ZC3H12C: variants seen among roughly 807,000 people sequenced by gnomAD.
ZC3H12C encodes the protein probable ribonuclease ZC3H12C.
In ZC3H12C, 20 loss-of-function variants were observed where a neutral mutation model predicts 76.3. That is an observed-to-expected ratio of 0.26 (90% CI 0.18 to 0.38). The LOEUF is 0.38. ZC3H12C is among the 10% of genes least tolerant of loss of function. The probability of loss-of-function intolerance (pLI) is 1.00; values close to 1 mark genes in which losing one functional copy is unlikely to be tolerated. For synonymous variants in ZC3H12C, 352 were observed against 399.6 expected (o/e 0.88, Z 1.42); for missense variants, 874 against 1,086.5 (o/e 0.80, Z 2.75).
At chr11:110,163,231 G>A (rs1391519000) in intron 4 of ZC3H12C, 42 bp from the exon 5 acceptor site, 2 of 1,492,808 alleles carry the variant, frequency 1.3e-6, no homozygotes, top group Non-Finnish European at 1.8e-6. Flanking sequence ...TAAATTATCA[G>A]CCTCCTACTT....
intron 1 of ZC3H12C, among the ~76,000 whole-genome samples, chr11:110,126,855 C>A (rs1333125403): frequency 6.6e-6 from 1 of 152,018 alleles, no homozygotes; most frequent in Non-Finnish European, 1.5e-5. Context: ...ACTTTTTCTA[C>A]CCCATATTAA....
chr11:110,117,768 C>T (rs12285319), intron 1 of ZC3H12C, among the ~76,000 whole-genome samples: 17 of 130,628 alleles, frequency 1.3e-4, no homozygotes, highest in South Asian at 2.4e-4. Flanking sequence ...TACACACACA[C>T]ATATATATAC....
chr11:110,115,708 T>C (rs1313196787), intron 1 of ZC3H12C, among the ~76,000 whole-genome samples: 1 of 151,844 alleles, frequency 6.6e-6, no homozygotes, highest in Non-Finnish European at 1.5e-5. Context: ...GTATTAGAAT[T>C]ATGGGCATGA....
chr11:110,165,267 C>A lies in ZC3H12C; in HGVS notation c.2182C>A (p.Pro728Thr), dbSNP rs986758296. ...RSSCPGDYPS[P>T]PSSAHSKAPH... The stretch of plus-strand genomic sequence containing the variant: ...CAGCTGTCCTGGCGACTACCCCTCT[C>A]CTCCAAGTTCAGCACACTCTAAGGC... The change falls in exon 6 of 6, where the codon CCT (proline) becomes ACT (threonine). Residue 728 changes from proline to threonine, a missense_variant. Pro to Thr is a conservative substitution (Grantham distance 38). Transcript: ENST00000278590. The A allele has an allele frequency of 5.6e-6, 9 of 1,614,010 alleles. No individual in the cohort carries two copies. The highest frequency in any genetic ancestry group is 7.6e-6 in the Non-Finnish European group (9 of 1,179,852).
At chr11:110,119,739 C>T (rs1186295202) in intron 1 of ZC3H12C, among the ~76,000 whole-genome samples, 3 of 152,148 alleles carry the variant, frequency 2.0e-5, no homozygotes, top group Non-Finnish European at 4.4e-5. Context: ...CTGGTGAAGT[C>T]CTCTTCCTCA....
At chr11:110,128,251 A>G (rs1337599903) in intron 1 of ZC3H12C, among the ~76,000 whole-genome samples, 3 of 152,028 alleles carry the variant, frequency 2.0e-5, no homozygotes, top group Non-Finnish European at 4.4e-5. Flanking sequence ...TGTGACTAAG[A>G]AAGCCAGCCT....
At chr11:110,102,378 A>G (rs1244192104) in intron 1 of ZC3H12C, among the ~76,000 whole-genome samples, 3 of 151,668 alleles carry the variant, frequency 2.0e-5, no homozygotes, top group African/African-American at 4.8e-5. Flanking sequence ...CAAGACTTCA[A>G]TGGAGGAAAT....
At chr11:110,135,488 C>T (rs1177730707) in intron 1 of ZC3H12C, among the ~76,000 whole-genome samples, 4 of 27,064 alleles carry the variant, frequency 1.5e-4, no homozygotes, top group Non-Finnish European at 2.7e-4. Flanking sequence ...AGACTCCCGT[C>T]TCAAAAAAAA....
At chr11:110,121,373 C>T (rs1861648322) in intron 1 of ZC3H12C, among the ~76,000 whole-genome samples, 1 of 152,198 alleles carries the variant, frequency 6.6e-6, no homozygotes, top group African/African-American at 2.4e-5. Flanking sequence ...TTAGAGCTAA[C>T]AATCGAAATG....
Position 110,165,372 on chromosome 11 carries a change from C to G in ZC3H12C, c.2287C>G (p.Arg763Gly). 6.2e-7 allele frequency: 1 copy of G among 1,614,016 alleles called. No homozygotes were observed. Among genetic ancestry groups the G allele is most frequent in the Non-Finnish European group, 8.5e-7 (1 of 1,179,892 alleles). The change falls in exon 6 of 6, where the codon CGA becomes GGA. Residue 763 changes from arginine (R) to glycine (G), a missense_variant. Arg to Gly is a moderately radical substitution (Grantham distance 125). Transcript: ENST00000278590. ...TCGACTTTATGACAGTTCTCCTTCA[C>G]GACAAAGAAAGCCTTATTCCCGCCA... ...DSRLYDSSPS[R>G]QRKPYSRQEG...
intron 2 of ZC3H12C, among the ~76,000 whole-genome samples, chr11:110,145,738 C>T (rs1455247021): frequency 1.3e-5 from 2 of 152,150 alleles, no homozygotes; most frequent in Non-Finnish European, 2.9e-5. Context: ...CACATACTTT[C>T]TCTTGATATA....
At position 110,137,716 on chromosome 11, in the gene ZC3H12C, T is replaced by C. The variant is rs901382523; in HGVS notation, c.773+302T>C. On this transcript the variant is annotated intron_variant, in intron 2 of 5. Transcript: ENST00000278590. ...TTTCTGGTTTACTATTAATCAGTAG[T>C]TTTAAATGAATAATTTGATATGATA... Among the ~76,000 whole-genome samples, 10 of 152,314 alleles carry C rather than the reference T, an allele frequency of 6.6e-5. No individual in the cohort carries two copies. In the East Asian group the frequency reaches 1.9e-3, roughly 29 times the overall value.
intron 1 of ZC3H12C, among the ~76,000 whole-genome samples, chr11:110,133,020 C>A (rs920953584): frequency 6.6e-6 from 1 of 152,006 alleles, no homozygotes; most frequent in South Asian, 2.1e-4. Context: ...ATAGTAATTT[C>A]TTGTAAGTTT....
At chr11:110,121,667 A>T (rs987310218) in intron 1 of ZC3H12C, among the ~76,000 whole-genome samples, 7 of 152,110 alleles carry the variant, frequency 4.6e-5, no homozygotes, top group Non-Finnish European at 1.0e-4. Flanking sequence ...AGTTATTTAA[A>T]ATCAGTAGTG....
intron 4 of ZC3H12C, among the ~76,000 whole-genome samples, chr11:110,159,856 C>A (rs1384886654): frequency 1.3e-5 from 2 of 152,224 alleles, no homozygotes; most frequent in Admixed American, 1.3e-4. Context: ...ACTAAATAAG[C>A]CATGCTTGGC....
At chr11:110,162,025 T>A (rs1862490429) in intron 4 of ZC3H12C, among the ~76,000 whole-genome samples, 1 of 152,090 alleles carries the variant, frequency 6.6e-6, no homozygotes. Flanking sequence ...TTCCAGCTAC[T>A]TGGGAGGCTG....
chr11:110,117,649 T>TAC (rs1460368487), intron 1 of ZC3H12C, among the ~76,000 whole-genome samples: 4 of 145,330 alleles, frequency 2.8e-5, no homozygotes, highest in Non-Finnish European at 6.0e-5. Context: ...TATATATATA[T>TAC]ATACACACAC....
chr11:110,103,057 A>G lies in ZC3H12C; in HGVS notation c.21+9625A>G, dbSNP rs369207456. On this transcript the variant is annotated intron_variant, in intron 1 of 5. Transcript: ENST00000278590. Reference sequence around the variant, plus strand: ...GCCCTATTGTGATATTCACTTTACTATTACATTCACTTTATTACAGCAGTC... The same window carrying G: ...GCCCTATTGTGATATTCACTTTACTGTTACATTCACTTTATTACAGCAGTC... 3.5e-4 allele frequency among the ~76,000 whole-genome samples: 53 copies of G among 152,334 alleles called. No individual in the cohort carries two copies. In the South Asian group the frequency reaches 4.1e-3, roughly 12 times the overall value.
Position 110,165,568 on chromosome 11 carries a change from C to G in ZC3H12C, c.2483C>G (p.Pro828Arg), listed in dbSNP as rs1288959860. ...TGGCGGATCCCATACTGTGGAATGC[C>G]GCAAGATCCCCCGAGGTATCAAGAC... ...PAWRIPYCGMPQDPPRYQDNR... is the reference protein window; with the variant it reads ...PAWRIPYCGMRQDPPRYQDNR... The change falls in exon 6 of 6, where the codon CCG becomes CGG. Residue 828 changes from proline to arginine, a missense_variant. Physicochemically the swap from Pro to Arg is moderately radical, Grantham distance 103. Transcript: ENST00000278590. The G allele has an allele frequency of 1.2e-6, 2 of 1,612,686 alleles. No individual in the cohort carries two copies.
Sources: allele counts gnomAD v4.1 joint callset (sites outside exome capture counted in the v4.1 genomes callset), GRCh38; gene constraint gnomAD v4.1.1; transcripts MANE v1.5; gene names NCBI Gene and HGNC (gene_info 2026-07-23, HGNC 2026-07-21).